SLIT3: variants seen among roughly 807,000 people sequenced by gnomAD.
SLIT3 encodes the protein slit homolog 3 protein.
In SLIT3, 68 loss-of-function variants were observed where a neutral mutation model predicts 184.0. The observed-to-expected ratio is 0.37, with a 90% CI of 0.30 to 0.45. The LOEUF (loss-of-function observed/expected upper bound fraction) is 0.45, where lower values mean the gene tolerates loss of function less well. SLIT3 is among the 20% of genes least tolerant of loss of function. SLIT3 has a pLI of 1.00. For missense variants in SLIT3, 1,707 were observed against 2,026.0 expected, an observed-to-expected ratio of 0.84 and a Z score of 3.02; for synonymous variants, 831 against 828.6, an observed-to-expected ratio of 1.00 and a Z score of -0.05.
At chr5:168,894,557 G>C (rs1270571680) in intron 4 of SLIT3, among the ~76,000 whole-genome samples, 1 of 152,058 alleles carries the variant, frequency 6.6e-6, no homozygotes, top group Non-Finnish European at 1.5e-5. Flanking sequence ...GAGAACTAAT[G>C]CTCCTAGAAC....
intron 1 of SLIT3, among the ~76,000 whole-genome samples, chr5:169,295,134 C>A (rs1235887651): frequency 1.3e-5 from 2 of 152,186 alleles, no homozygotes; most frequent in Non-Finnish European, 2.9e-5. Context: ...AAAGTGATGG[C>A]ACTATGACAT....
intron 3 of SLIT3, among the ~76,000 whole-genome samples, chr5:169,200,658 G>A (rs574870404): frequency 2.0e-5 from 3 of 152,194 alleles, no homozygotes; most frequent in Admixed American, 6.5e-5. Flanking sequence ...CTATAAATCG[G>A]GGGCAAAAAA....
intron 18 of SLIT3, 62 bp from the exon 19 acceptor site, chr5:168,749,697 G>T: frequency 6.4e-7 from 1 of 1,561,902 alleles, no homozygotes; most frequent in Non-Finnish European, 8.8e-7. Context: ...CCTGGGATCT[G>T]CTGCCCAGAG....
At chr5:168,820,020 G>A (rs1348748825) in intron 7 of SLIT3, among the ~76,000 whole-genome samples, 2 of 152,180 alleles carry the variant, frequency 1.3e-5, no homozygotes, top group African/African-American at 4.8e-5. Context: ...AAGCTGGGTA[G>A]ATTCTTGCCT....
chr5:169,113,736 A>G (rs1307562662), intron 4 of SLIT3, among the ~76,000 whole-genome samples: 6 of 150,434 alleles, frequency 4.0e-5, no homozygotes, highest in Admixed American at 4.0e-4. Context: ...GCTCACTGCA[A>G]CATCTGACTC....
chr5:168,799,929 G>C (rs1439784092), intron 9 of SLIT3, among the ~76,000 whole-genome samples: 1 of 152,164 alleles, frequency 6.6e-6, no homozygotes, highest in East Asian at 1.9e-4. Flanking sequence ...AGGTTGGTCT[G>C]GTTGAAGTCC....
At chr5:168,861,395 A>G (rs932123976) in intron 5 of SLIT3, among the ~76,000 whole-genome samples, 1 of 138,998 alleles carries the variant, frequency 7.2e-6, no homozygotes, top group African/African-American at 2.7e-5. Context: ...TCCGTCCCCA[A>G]CCCCTGCCCC....
intron 4 of SLIT3, among the ~76,000 whole-genome samples, chr5:169,104,193 C>G (rs560187867): frequency 6.6e-6 from 1 of 152,318 alleles, no homozygotes; most frequent in South Asian, 2.1e-4. Flanking sequence ...GAAGGTGGGT[C>G]CCTTGCCAAG....
intron 4 of SLIT3, among the ~76,000 whole-genome samples, chr5:169,118,891 AT>A (rs796717197): frequency 1.7e-4 from 26 of 150,394 alleles, no homozygotes; most frequent in South Asian, 1.1e-3. Context: ...ATAATTTTTA[AT>A]TTTTTTTTTA....
chr5:169,134,534 C>T (rs939010766), intron 4 of SLIT3, among the ~76,000 whole-genome samples: 1 of 152,138 alleles, frequency 6.6e-6, no homozygotes, highest in Non-Finnish European at 1.5e-5. Flanking sequence ...TCAGGGACAC[C>T]TTTCTTGACC....
chr5:169,041,449 T>G (rs368580689), intron 4 of SLIT3, among the ~76,000 whole-genome samples: 2 of 122,586 alleles, frequency 1.6e-5, no homozygotes, highest in Non-Finnish European at 3.5e-5. Flanking sequence ...ATCATGGATT[T>G]GATTTGAGAG....
At chr5:169,249,203 C>A (rs1362536694) in intron 2 of SLIT3, among the ~76,000 whole-genome samples, 1 of 152,068 alleles carries the variant, frequency 6.6e-6, no homozygotes, top group African/African-American at 2.4e-5. Context: ...TTCCACCAGG[C>A]AGATTCTTTC....
chr5:168,894,150 T>G (rs1167923372), intron 4 of SLIT3, among the ~76,000 whole-genome samples: 2 of 152,176 alleles, frequency 1.3e-5, no homozygotes, highest in African/African-American at 2.4e-5. Context: ...CAAATTTGAC[T>G]TTATCAAAAA....
chr5:169,232,106 T>C (rs1765025043), intron 3 of SLIT3, among the ~76,000 whole-genome samples: 1 of 152,192 alleles, frequency 6.6e-6, no homozygotes, highest in Non-Finnish European at 1.5e-5. Context: ...CTCTGGGACA[T>C]GTTCTTTCAA....
intron 4 of SLIT3, among the ~76,000 whole-genome samples, chr5:168,980,891 GA>G (rs1347443874): frequency 6.6e-6 from 1 of 152,094 alleles, no homozygotes; most frequent in African/African-American, 2.4e-5. Context: ...GATGTAAAGT[GA>G]AAAAAATTTG....
At chr5:169,004,854 G>A (rs1201830543) in intron 4 of SLIT3, among the ~76,000 whole-genome samples, 1 of 152,148 alleles carries the variant, frequency 6.6e-6, no homozygotes, top group African/African-American at 2.4e-5. Context: ...CAGGAAGAAG[G>A]CCCTCCCCAG....
At chr5:169,288,455 G>A (rs1383375247) in intron 1 of SLIT3, among the ~76,000 whole-genome samples, 2 of 152,180 alleles carry the variant, frequency 1.3e-5, no homozygotes, top group East Asian at 3.9e-4. Flanking sequence ...TTTCATCAAT[G>A]ATTCCTGAGG....
intron 28 of SLIT3, among the ~76,000 whole-genome samples, chr5:168,695,858 G>A (rs976155374): frequency 7.9e-5 from 12 of 152,174 alleles, no homozygotes; most frequent in African/African-American, 2.9e-4. Context: ...CTTCTTATGA[G>A]AAGGAACTCT....
intron 4 of SLIT3, among the ~76,000 whole-genome samples, chr5:168,984,254 C>G (rs1194250404): frequency 2.0e-5 from 3 of 152,010 alleles, no homozygotes; most frequent in African/African-American, 7.3e-5. Flanking sequence ...TGCTGGTGAG[C>G]ACGGGTAGGG....
Sources: allele counts gnomAD v4.1 joint callset (sites outside exome capture counted in the v4.1 genomes callset), GRCh38; gene constraint gnomAD v4.1.1; transcripts MANE v1.5; gene names NCBI Gene and HGNC (gene_info 2026-07-23, HGNC 2026-07-21).